The following NIPBL variants were observed in gnomAD, a reference collection of about 807,000 sequenced individuals.
NIPBL encodes nipped-B-like protein.
A neutral mutation model predicts 321.8 loss-of-function variants in NIPBL; 19 were observed. The ratio of observed to expected loss-of-function variants is 0.06; its 90% CI spans 0.04 to 0.09. NIPBL has a LOEUF of 0.09. Among genes scored for constraint, NIPBL ranks in the 10% least tolerant of loss-of-function variants. The probability of loss-of-function intolerance (pLI) is 1.00; values close to 1 mark genes in which losing one functional copy is unlikely to be tolerated. For missense variants in NIPBL, 2,210 were observed against 3,327.0 expected, an observed-to-expected ratio of 0.66 and a Z score of 8.26; for synonymous variants, 1,106 against 1,114.1, an observed-to-expected ratio of 0.99 and a Z score of 0.14.
At chr5:37,043,564 T>C (rs1579553777) in intron 34 of NIPBL, among the ~76,000 whole-genome samples, 1 of 149,992 alleles carries the variant, frequency 6.7e-6, no homozygotes, top group Non-Finnish European at 1.5e-5. Flanking sequence ...TAACCGGGTG[T>C]GGTATTATGC....
intron 20 of NIPBL, 100 bp downstream of exon 20, chr5:37,008,823 A>G (rs1256705029): frequency 1.3e-6 from 1 of 752,324 alleles, no homozygotes; most frequent in East Asian, 2.5e-5. Context: ...TATTTTAATA[A>G]TTAAAAACTA....
intron 1 of NIPBL, among the ~76,000 whole-genome samples, chr5:36,905,451 C>G (rs1580193817): frequency 6.6e-6 from 1 of 152,110 alleles, no homozygotes; most frequent in Admixed American, 6.6e-5. Flanking sequence ...ATGGAATATA[C>G]TACCTTCTTA....
intron 16 of NIPBL, among the ~76,000 whole-genome samples, chr5:37,005,679 G>A (rs975197013): frequency 3.9e-5 from 6 of 152,088 alleles, no homozygotes; most frequent in African/African-American, 1.4e-4. Flanking sequence ...ATTGGAAGTA[G>A]TCCTGTAATA....
At chr5:37,017,198 TAATAGTTATTTTCTTTGC>T in intron 24 of NIPBL, 36 bp downstream of exon 24, 2 of 1,552,204 alleles carry the variant, frequency 1.3e-6, no homozygotes, top group Non-Finnish European at 1.8e-6. Context: ...TGGGAATGAA[TAATAGTTATTTTCTTTGC>T]ATGTCCTTAC....
At chr5:37,007,967 C>A in intron 18 of NIPBL, 41 bp from the exon 19 acceptor site, 2 of 1,123,992 alleles carry the variant, frequency 1.8e-6, no homozygotes, top group South Asian at 2.5e-5. Context: ...TTACTGAAAT[C>A]AACTAAAGGT....
intron 3 of NIPBL, among the ~76,000 whole-genome samples, chr5:36,956,472 T>C (rs1037077736): frequency 6.6e-6 from 1 of 152,048 alleles, no homozygotes; most frequent in Non-Finnish European, 1.5e-5. Flanking sequence ...TGGGGCATTT[T>C]TAAAGCTGAT....
intron 1 of NIPBL, among the ~76,000 whole-genome samples, chr5:36,918,478 A>G (rs1477265607): frequency 6.6e-6 from 1 of 152,114 alleles, no homozygotes; most frequent in Non-Finnish European, 1.5e-5. Context: ...AAACAGGGAC[A>G]ATTTGACTTC....
rs1262292297 is a variant in NIPBL at position 36,985,935 on chromosome 5, A to C, written c.2755A>C (p.Lys919Gln). The C allele has an allele frequency of 6.2e-7, 1 of 1,613,900 alleles. No homozygotes were observed. Among genetic ancestry groups the C allele is most frequent in the Non-Finnish European group, 8.5e-7 (1 of 1,179,982 alleles). Residue 919 changes from lysine (K) to glutamine (Q), a missense_variant, in exon 10 of 47, where the codon AAA (lysine) becomes CAA (glutamine). By Grantham distance (53) the Lys-to-Gln change is moderately conservative (BLOSUM62 1). This residue lies in a region of NIPBL where 588 missense variants were observed against 564.1 expected (regional missense o/e 1.04). Coordinates refer to ENST00000282516, the MANE Select transcript of NIPBL (RefSeq NM_133433.4). Reference protein sequence around the residue: ...GFKSPTSKDDKRTEGNKSKVD... With the variant: ...GFKSPTSKDDQRTEGNKSKVD... ...TAAATCACCAACTAGTAAAGATGACAAAAGGACAGAGGGTAACAAGAGTAA... is the reference window on the plus strand; with the variant it reads ...TAAATCACCAACTAGTAAAGATGACCAAAGGACAGAGGGTAACAAGAGTAA...
chr5:37,043,016 G>GT (rs747983659), intron 34 of NIPBL, among the ~76,000 whole-genome samples: 12 of 151,456 alleles, frequency 7.9e-5, no homozygotes, highest in Admixed American at 1.3e-4. Flanking sequence ...CTACCTTTTG[G>GT]TTTTTTTTAA....
intron 1 of NIPBL, among the ~76,000 whole-genome samples, chr5:36,892,890 TAACA>T (rs774125229): frequency 2.6e-5 from 4 of 152,244 alleles, no homozygotes; most frequent in Non-Finnish European, 5.9e-5. Context: ...TATACATATG[TAACA>T]AACCTGCACG....
Position 37,037,168 on chromosome 5 carries a change from A to G in NIPBL, c.5971+681A>G, listed in dbSNP as rs977278558. Among the ~76,000 whole-genome samples the G allele has an allele frequency of 4.2e-4, 64 of 151,434 alleles. 1 individual carries two copies. Among genetic ancestry groups the G allele is most frequent in the Admixed American group, 4.0e-3 (61 of 15,196 alleles). On this transcript the variant is annotated intron_variant, in intron 33 of 46. Coordinates refer to ENST00000282516, the MANE Select transcript of NIPBL (RefSeq NM_133433.4). ...TTTGGGAGGCCAAGGCGGGCAGATC[A>G]TGAGGTCAGGAGATTGAGACCATCC... is the stretch of plus-strand genomic sequence containing the variant.
intron 1 of NIPBL, among the ~76,000 whole-genome samples, chr5:36,889,529 A>G (rs568671012): frequency 3.3e-5 from 5 of 152,132 alleles, no homozygotes; most frequent in Non-Finnish European, 4.4e-5. Context: ...TGTCCTCCGT[A>G]TTCATATGAG....
At chr5:37,012,138 TC>T (rs1748202900) in intron 21 of NIPBL, among the ~76,000 whole-genome samples, 1 of 149,608 alleles carries the variant, frequency 6.7e-6, no homozygotes, top group Non-Finnish European at 1.5e-5. Context: ...TCTTTAAATT[TC>T]TTTTTTTTTT....
intron 38 of NIPBL, among the ~76,000 whole-genome samples, chr5:37,047,878 C>T (rs779121112): frequency 6.6e-6 from 1 of 151,874 alleles, no homozygotes; most frequent in South Asian, 2.1e-4. Context: ...CTTATTAACC[C>T]GTGGTTATAG....
chr5:36,963,879 G>A (rs1378102482), intron 6 of NIPBL, among the ~76,000 whole-genome samples: 1 of 152,054 alleles, frequency 6.6e-6, no homozygotes, highest in Non-Finnish European at 1.5e-5. Context: ...CTTAATATAT[G>A]TAAAATACTA....
chr5:37,045,797 A>C (rs781630082), intron 37 of NIPBL, among the ~76,000 whole-genome samples, 200 bp downstream of exon 37: 8 of 152,228 alleles, frequency 5.3e-5, no homozygotes, highest in Non-Finnish European at 1.2e-4. Context: ...GTGTAACCAG[A>C]TAATGAAATT....
rs578197136 is a variant in NIPBL, at chr5:36,929,016, T to TA, written c.-79-24601dup. Reference sequence around the variant, plus strand: ...GACATACGTTTTTATTTATCTTGGATACATTCCTAAGAATGGAATTGCTGG... The same window carrying TA: ...GACATACGTTTTTATTTATCTTGGATAACATTCCTAAGAATGGAATTGCTGG... On this transcript the variant is annotated intron_variant, in intron 1 of 46. Transcript: ENST00000282516. Among the ~76,000 whole-genome samples the TA allele has an allele frequency of 4.7e-4, 71 of 152,192 alleles. 1 individual carries two copies. The South Asian group carries it at 0.015, about 31-fold the overall frequency.
intron 33 of NIPBL, among the ~76,000 whole-genome samples, chr5:37,038,328 A>G (rs115212039): frequency 6.6e-6 from 1 of 152,088 alleles, no homozygotes; most frequent in Non-Finnish European, 1.5e-5. Context: ...ATTTATTCCC[A>G]AAAGCCCATT....
At chr5:36,886,904 T>G (rs1745951385) in intron 1 of NIPBL, among the ~76,000 whole-genome samples, 1 of 152,080 alleles carries the variant, frequency 6.6e-6, no homozygotes, top group Non-Finnish European at 1.5e-5. Flanking sequence ...GCAGAAAGCT[T>G]CTGAGATTCA....
Sources: gnomAD v4.1 joint callset for allele counts (sites outside exome capture counted in the v4.1 genomes callset) on GRCh38, gnomAD v4.1.1 for gene constraint, gnomAD v4.1.1 regional missense constraint, MANE v1.5 for transcripts, NCBI Gene and HGNC (gene_info 2026-07-23, HGNC 2026-07-21) for gene names.